AMDHD2: variants seen among roughly 807,000 people sequenced by gnomAD.
AMDHD2 encodes N-acetylglucosamine-6-phosphate deacetylase.
AMDHD2 carries 24 observed loss-of-function variants against 41.8 expected under a neutral mutation model. The observed-to-expected ratio is 0.57, with a 90% confidence interval of 0.42 to 0.81. The LOEUF is 0.81. Ranked by LOEUF, AMDHD2 falls within the 30% of genes least tolerant of loss-of-function variation. The pLI, the probability that AMDHD2 is intolerant of heterozygous loss-of-function variation, is 0.00. For synonymous variants in AMDHD2, 332 were observed against 255.5 expected (o/e 1.30, Z -2.85); for missense variants, 540 against 588.5 (o/e 0.92, Z 0.85).
chr16:2,530,083 C>T lies in AMDHD2; in HGVS notation c.*520C>T, dbSNP rs1034545288. On this transcript the variant is annotated 3_prime_UTR_variant, in exon 11 of 11. Coordinates refer to ENST00000293971, the MANE Select transcript of AMDHD2 (RefSeq NM_001330449.2). Reference sequence around the variant, plus strand: ...GTTGGGGTGTGCAGCGTGGAGCCCACAGCCTGGTTCTGGGCCAGGGCACAG... The same window carrying T: ...GTTGGGGTGTGCAGCGTGGAGCCCATAGCCTGGTTCTGGGCCAGGGCACAG... The T allele has an allele frequency of 4.0e-6, 4 of 1,012,056 alleles. No individual in the cohort carries two copies. Among genetic ancestry groups the T allele is most frequent in the African/African-American group, 3.3e-5 (2 of 61,348 alleles). 62.7% of individuals were successfully genotyped at this position (1,012,056 alleles called of 1,614,324 possible).
At chr16:2,522,969 G>A (rs2065961306) in intron 3 of AMDHD2, among the ~76,000 whole-genome samples, 3 of 150,700 alleles carry the variant, frequency 2.0e-5, no homozygotes, top group Admixed American at 6.6e-5. Flanking sequence ...TCAGTCGCCC[G>A]AGTAGCTGGG....
At chr16:2,521,211 C>T in intron 3 of AMDHD2, 88 bp downstream of exon 3, 1 of 1,410,492 alleles carries the variant, frequency 7.1e-7, no homozygotes, top group Non-Finnish European at 9.3e-7. Flanking sequence ...CCCCCCACCC[C>T]CAGCACGTAT....
At position 2,530,235 on chromosome 16, in the gene AMDHD2, C is replaced by CA. The variant is rs1567134213; in HGVS notation, c.*672_*673insA. On this transcript the variant is annotated 3_prime_UTR_variant, in exon 11 of 11. Transcript: ENST00000293971. ...GTTCTGTTTTCTCTTCTCAATAACC[C>CA]TATCTCTTCACACATCCCCAGGCCC... 6.3e-7 allele frequency: 1 copy of CA among 1,589,370 alleles called. No individual in the cohort carries two copies. Among genetic ancestry groups the CA allele is most frequent in the Non-Finnish European group, 8.6e-7 (1 of 1,168,240 alleles).
rs374500096 is a variant in AMDHD2, at chr16:2,527,906, C to G, written c.549C>G (p.Ile183Met). 1.3e-6 allele frequency: 2 copies of G among 1,595,964 alleles called. No individual in the cohort carries two copies. Among genetic ancestry groups the G allele is most frequent in the Non-Finnish European group, 1.7e-6 (2 of 1,178,298 alleles). Residue 183 changes from isoleucine (I) to methionine (M), a missense_variant, in exon 5 of 11, where the codon ATC becomes ATG. Coordinates refer to ENST00000293971, the MANE Select transcript of AMDHD2 (RefSeq NM_001330449.2). The surrounding 1 kb of genome is among the most constrained non-coding windows in gnomAD (Gnocchi z 6.1). ...ACGGGCCCCTGGACAATGTCCGCAT[C>G]GTGACGCTGGCCCCAGAGTTGGGCC... is the stretch of plus-strand genomic sequence containing the variant. ...ATYGPLDNVR[I>M]VTLAPELGRS...
chr16:2,531,282 A>T lies in AMDHD2; in HGVS notation c.*1719A>T. The T allele has an allele frequency of 1.6e-6, 1 of 611,694 alleles. No individual in the cohort carries two copies. Among genetic ancestry groups the T allele is most frequent in the South Asian group, 2.3e-5 (1 of 42,666 alleles). The allele number at this position is 611,694 out of a possible 1,614,324, so 37.9% of individuals were successfully genotyped here. A position where few individuals can be genotyped will look rare whatever the true frequency, so the allele number is the denominator to read the frequency against. ...GCCCTGGGTGGTGGGAGAGGGGCCC[A>T]GGGTCAGGGTGAGAGAGAGCTGGGC... On this transcript the variant is annotated 3_prime_UTR_variant, in exon 11 of 11. Coordinates refer to ENST00000293971, the MANE Select transcript of AMDHD2 (RefSeq NM_001330449.2).
rs758927054 is a variant in AMDHD2, at chr16:2,528,379, G to A, written c.861G>A (p.Gln287=). 1 of 1,612,950 alleles carries A rather than the reference G, an allele frequency of 6.2e-7. No homozygotes were observed. The highest frequency in any genetic ancestry group is 1.1e-5 in the South Asian group (1 of 91,090). ...ALRIAHRAHP[Q]GLVLVTDAIP... ...GGATCGCCCACCGTGCCCATCCCCAGGGTAAGCTGCGGCAGGTGGCCAGGA... is the reference window on the plus strand; with the variant it reads ...GGATCGCCCACCGTGCCCATCCCCAAGGTAAGCTGCGGCAGGTGGCCAGGA... The change falls in exon 7 of 11, where the codon CAG becomes CAA. Residue 287 remains glutamine (Q), a splice_region_variant and synonymous_variant. Transcript: ENST00000293971.
At chr16:2,522,687 A>AC (rs1327980015) in intron 3 of AMDHD2, among the ~76,000 whole-genome samples, 2 of 151,736 alleles carry the variant, frequency 1.3e-5, no homozygotes, top group East Asian at 3.9e-4. Context: ...AAAAAAAAAA[A>AC]GTTTTTTGTA....
chr16:2,524,322 G>A (rs2065977065), intron 3 of AMDHD2, among the ~76,000 whole-genome samples: 1 of 152,230 alleles, frequency 6.6e-6, no homozygotes, highest in Non-Finnish European at 1.5e-5. Context: ...ACGGTACTTG[G>A]AGACAGGTGA....
At chr16:2,521,481 C>A (rs1389603471) in intron 3 of AMDHD2, among the ~76,000 whole-genome samples, 2 of 152,140 alleles carry the variant, frequency 1.3e-5, no homozygotes, top group Non-Finnish European at 2.9e-5. Context: ...CAGCGATAGT[C>A]CCTGGTCAGG....
chr16:2,522,606 G>A (rs553256353), intron 3 of AMDHD2, among the ~76,000 whole-genome samples: 260 of 152,040 alleles, frequency 1.7e-3, no homozygotes, highest in African/African-American at 6.0e-3. Context: ...GAACCCAGGA[G>A]GCAGAGGTTG....
intron 10 of AMDHD2, 80 bp downstream of exon 10, chr16:2,529,175 C>G (rs1220442905): frequency 7.3e-7 from 1 of 1,366,726 alleles, no homozygotes; most frequent in African/African-American, 1.5e-5. Context: ...CTGGACAGGG[C>G]CAGGGAGGGT....
chr16:2,526,434 G>T (rs185931484), intron 3 of AMDHD2, among the ~76,000 whole-genome samples: 1 of 152,048 alleles, frequency 6.6e-6, no homozygotes, highest in Admixed American at 6.5e-5. Context: ...GGGCCCGACC[G>T]GCACACTCAG....
In AMDHD2 at chr16:2,520,526, G is replaced by T; in HGVS notation, c.68G>T (p.Gly23Val). The change falls in exon 1 of 11, where the codon GGA (glycine) becomes GTA (valine). Residue 23 changes from glycine (G) to valine (V), a missense_variant. By Grantham distance (109) the Gly-to-Val change is moderately radical. Transcript: ENST00000293971. ...TTCACTAACTGCCGGATCCTGCGCG[G>T]AGGGAAACTGCTCAGGTGGGCGCGG... ...LQFTNCRILR[G>V]GKLLREDLWV... 1 of 1,238,082 alleles carries T rather than the reference G, an allele frequency of 8.1e-7. No homozygotes were observed. The highest frequency in any genetic ancestry group is 3.2e-5 in the East Asian group (1 of 31,298). The allele number at this position is 1,238,082 out of a possible 1,614,324, so 76.7% of individuals were successfully genotyped here. A position where few individuals can be genotyped will look rare whatever the true frequency, so the allele number is the denominator to read the frequency against.
intron 3 of AMDHD2, among the ~76,000 whole-genome samples, chr16:2,523,574 T>C (rs1279657848): frequency 2.6e-5 from 4 of 151,966 alleles, no homozygotes; most frequent in Non-Finnish European, 5.9e-5. Context: ...AGATGCTGAG[T>C]GTTCACCACT....
intron 3 of AMDHD2, among the ~76,000 whole-genome samples, 190 bp downstream of exon 3, chr16:2,521,313 C>G (rs2065933911): frequency 6.6e-6 from 1 of 151,856 alleles, no homozygotes; most frequent in Admixed American, 6.6e-5. Flanking sequence ...TCTGCCTGGC[C>G]TCCCTAGACC....
chr16:2,527,940 G>C lies in AMDHD2; in HGVS notation c.583G>C (p.Glu195Gln), dbSNP rs757892525. The change falls in exon 5 of 11, where the codon GAA (glutamate) becomes CAA (glutamine). Residue 195 changes from glutamate (E) to glutamine (Q), a missense_variant. Coordinates refer to ENST00000293971, the MANE Select transcript of AMDHD2 (RefSeq NM_001330449.2). This position sits in a 1 kb window ranked among gnomAD's most constrained non-coding sequence, Gnocchi z 6.1. ...TLAPELGRSH[E>Q]VIRALTARGI... is the part of the protein sequence containing the mutation. ...GGCCCCAGAGTTGGGCCGTAGCCAC[G>C]AAGTGATCCGGGCGCTGACGGCCCG... The C allele has an allele frequency of 5.0e-6, 8 of 1,600,212 alleles. No homozygotes were observed. Among genetic ancestry groups the C allele is most frequent in the Non-Finnish European group, 6.8e-6 (8 of 1,178,954 alleles).
At position 2,528,635 on chromosome 16, in the gene AMDHD2, C is replaced by T. The variant is rs749338274; in HGVS notation, c.971-15C>T. On this transcript the variant is annotated splice_polypyrimidine_tract_variant and intron_variant, in intron 8 of 10. Coordinates refer to ENST00000293971, the MANE Select transcript of AMDHD2 (RefSeq NM_001330449.2). Reference sequence around the variant, plus strand: ...GCCCACGACCCCCCCAGAGCCTGCCCTCTCTGCTCTCAAGGCACCAAGACG... The same window carrying T: ...GCCCACGACCCCCCCAGAGCCTGCCTTCTCTGCTCTCAAGGCACCAAGACG... The T allele has an allele frequency of 5.0e-6, 8 of 1,613,050 alleles. No homozygotes were observed. In the Admixed American group the frequency reaches 6.7e-5, roughly 13 times the overall value.
rs372008617 is a variant in AMDHD2, at chr16:2,520,912, C to T, written c.220+7C>T. The T allele has an allele frequency of 6.2e-6, 10 of 1,602,176 alleles. No homozygotes were observed. The highest frequency in any genetic ancestry group is 6.0e-6 in the Non-Finnish European group (7 of 1,172,048). On this transcript the variant is annotated splice_region_variant and intron_variant, in intron 2 of 10. Coordinates refer to ENST00000293971, the MANE Select transcript of AMDHD2 (RefSeq NM_001330449.2). The stretch of plus-strand genomic sequence containing the variant: ...ATCGACGTGCAGATCAACGGTGCGG[C>T]CCGGGGCCGGCAGGGGAACCCAGGG...
In AMDHD2 at chr16:2,520,377, G is replaced by C; in HGVS notation, c.-82G>C. The C allele has an allele frequency of 1.8e-6, 2 of 1,139,666 alleles. No homozygotes were observed. Among genetic ancestry groups the C allele is most frequent in the Non-Finnish European group, 2.2e-6 (2 of 908,042 alleles). 70.6% of individuals were successfully genotyped at this position (1,139,666 alleles called of 1,614,324 possible). On this transcript the variant is annotated 5_prime_UTR_variant, in exon 1 of 11. Coordinates refer to ENST00000293971, the MANE Select transcript of AMDHD2 (RefSeq NM_001330449.2). ...TGAAGGTCACGTGGGCGCGGTCTCA[G>C]CTCTCGGCTGGGGTTCGTCACTGGG...
Sources: gnomAD v4.1 joint callset for allele counts (sites outside exome capture counted in the v4.1 genomes callset) on GRCh38, gnomAD v4.1.1 for gene constraint, Gnocchi (gnomAD v3.1) non-coding constraint, MANE v1.5 for transcripts, NCBI Gene and HGNC (gene_info 2026-07-23, HGNC 2026-07-21) for gene names.